Variants in RABGAP1L observed in about 807,000 individuals in gnomAD.
RABGAP1L encodes the protein RAB GTPase activating protein 1 like.
Under a neutral mutation model 137.7 loss-of-function variants are expected in RABGAP1L, and 63 were observed. The ratio of observed to expected loss-of-function variants is 0.46; its 90% confidence interval spans 0.37 to 0.56. The LOEUF is 0.56. RABGAP1L is among the 20% of genes least tolerant of loss of function. The pLI is 0.00. For missense variants in RABGAP1L, 1,095 were observed against 1,244.0 expected (o/e 0.88, Z 1.80); for synonymous variants, 431 against 433.7 (o/e 0.99, Z 0.08).
At chr1:174,355,553 T>C (rs1683560041) in intron 11 of RABGAP1L, among the ~76,000 whole-genome samples, 1 of 151,824 alleles carries the variant, frequency 6.6e-6, no homozygotes. Flanking sequence ...ACATGGCACA[T>C]GTATACATAT....
At chr1:174,597,377 A>C (rs1029294936) in intron 13 of RABGAP1L, among the ~76,000 whole-genome samples, 7 of 152,074 alleles carry the variant, frequency 4.6e-5, no homozygotes, top group African/African-American at 1.7e-4. Flanking sequence ...TTTTTATTAC[A>C]TCTCAGTCTC....
intron 1 of RABGAP1L, among the ~76,000 whole-genome samples, chr1:174,162,003 G>T (rs572177597): frequency 6.6e-6 from 1 of 151,430 alleles, no homozygotes; most frequent in South Asian, 2.1e-4. Flanking sequence ...GAAGTGCTGG[G>T]ATTACAGGCC....
intron 18 of RABGAP1L, among the ~76,000 whole-genome samples, chr1:174,787,351 T>A (rs945661149): frequency 6.8e-6 from 1 of 147,490 alleles, no homozygotes; most frequent in Non-Finnish European, 1.5e-5. Flanking sequence ...TGCAGTGAGC[T>A]GACATTGCAC....
chr1:174,292,546 C>T (rs1676732141), intron 10 of RABGAP1L, among the ~76,000 whole-genome samples: 1 of 151,246 alleles, frequency 6.6e-6, no homozygotes. Context: ...TTTGATTTTC[C>T]AATATTTTTA....
chr1:174,734,569 G>T (rs898333713), intron 17 of RABGAP1L, among the ~76,000 whole-genome samples: 1 of 152,110 alleles, frequency 6.6e-6, no homozygotes, highest in African/African-American at 2.4e-5. Flanking sequence ...ACAGAAACTT[G>T]GTCTTAGGAG....
chr1:174,201,246 C>T (rs1023322090), intron 1 of RABGAP1L, among the ~76,000 whole-genome samples: 2 of 151,782 alleles, frequency 1.3e-5, no homozygotes, highest in Non-Finnish European at 2.9e-5. Flanking sequence ...TGAGCCACCA[C>T]ACCCAGTGTA....
chr1:174,431,433 T>C (rs1652616383), intron 13 of RABGAP1L, among the ~76,000 whole-genome samples: 1 of 152,208 alleles, frequency 6.6e-6, no homozygotes, highest in Non-Finnish European at 1.5e-5. Flanking sequence ...TCTCCTGTGT[T>C]ATTTTTAAGT....
chr1:174,283,462 C>T (rs1223737451), intron 10 of RABGAP1L, among the ~76,000 whole-genome samples: 2 of 151,620 alleles, frequency 1.3e-5, no homozygotes, highest in Admixed American at 6.6e-5. Context: ...ACTGAGAATG[C>T]CTGAATATGT....
intron 19 of RABGAP1L, among the ~76,000 whole-genome samples, chr1:174,865,264 C>G (rs1379187899): frequency 2.0e-5 from 3 of 152,126 alleles, no homozygotes; most frequent in Non-Finnish European, 4.4e-5. Context: ...TTATTTGAAC[C>G]CAGGAGGTGG....
At chr1:174,183,713 A>T (rs1477629789) in intron 1 of RABGAP1L, among the ~76,000 whole-genome samples, 1 of 152,058 alleles carries the variant, frequency 6.6e-6, no homozygotes, top group African/African-American at 2.4e-5. Flanking sequence ...GTCCACCATT[A>T]TTAGTATCAT....
intron 13 of RABGAP1L, among the ~76,000 whole-genome samples, chr1:174,530,495 A>G (rs1000527483): frequency 6.6e-6 from 1 of 152,096 alleles, no homozygotes; most frequent in Non-Finnish European, 1.5e-5. Context: ...AGAGCCTGTA[A>G]GGACTGAGGG....
chr1:174,337,775 G>T (rs1046113158), intron 11 of RABGAP1L, among the ~76,000 whole-genome samples: 3 of 152,060 alleles, frequency 2.0e-5, no homozygotes, highest in African/African-American at 7.2e-5. Flanking sequence ...ACTGAGTTCT[G>T]GGTTAGCTTG....
intron 19 of RABGAP1L, among the ~76,000 whole-genome samples, chr1:174,898,750 T>A (rs928001910): frequency 6.6e-6 from 1 of 152,236 alleles, no homozygotes. Flanking sequence ...AACAATGTTT[T>A]AATAAATATT....
At chr1:174,850,552 A>C (rs767917677) in intron 19 of RABGAP1L, among the ~76,000 whole-genome samples, 12 of 152,200 alleles carry the variant, frequency 7.9e-5, no homozygotes, top group Non-Finnish European at 1.6e-4. Context: ...ACATTTGAAC[A>C]AGTTGACAAC....
At chr1:174,523,827 A>G (rs1368499527) in intron 13 of RABGAP1L, among the ~76,000 whole-genome samples, 2 of 152,068 alleles carry the variant, frequency 1.3e-5, no homozygotes, top group South Asian at 4.1e-4. Context: ...ACCTCATTCT[A>G]TTCTCAATTT....
intron 10 of RABGAP1L, among the ~76,000 whole-genome samples, chr1:174,279,426 G>T (rs926868785): frequency 2.6e-5 from 4 of 152,038 alleles, no homozygotes; most frequent in Non-Finnish European, 5.9e-5. Flanking sequence ...TTAGAATAAT[G>T]AACATCTTTT....
At chr1:174,583,073 A>G (rs561317471) in intron 13 of RABGAP1L, among the ~76,000 whole-genome samples, 2 of 152,276 alleles carry the variant, frequency 1.3e-5, no homozygotes, top group East Asian at 3.9e-4. Context: ...CTTAACTCTT[A>G]TATTTCCCAA....
At chr1:174,261,151 G>C (rs1673548567) in intron 7 of RABGAP1L, among the ~76,000 whole-genome samples, 1 of 151,992 alleles carries the variant, frequency 6.6e-6, no homozygotes, top group Non-Finnish European at 1.5e-5. Context: ...GAATGAAGTA[G>C]TGATACAGCA....
chr1:174,163,131 T>C (rs961672431), intron 1 of RABGAP1L, among the ~76,000 whole-genome samples: 10 of 152,140 alleles, frequency 6.6e-5, no homozygotes, highest in African/African-American at 2.2e-4. Flanking sequence ...GCCTGAGTTA[T>C]GGTAAAACAT....
Sources: allele counts gnomAD v4.1 joint callset (sites outside exome capture counted in the v4.1 genomes callset), GRCh38; gene constraint gnomAD v4.1.1; transcripts MANE v1.5; gene names NCBI Gene and HGNC (gene_info 2026-07-23, HGNC 2026-07-21).